Variants in MALRD1 observed in about 807,000 individuals in gnomAD.
MALRD1 encodes the protein MAM and LDL receptor class A domain containing 1.
In MALRD1, 247 loss-of-function variants were observed where a neutral mutation model predicts 242.1. The observed-to-expected ratio is 1.02, with a 90% CI of 0.92 to 1.13. MALRD1 has a LOEUF of 1.13. Ranked by LOEUF, MALRD1 falls within the 50% of genes most tolerant of loss-of-function variation. MALRD1 has a pLI of 0.00. For missense variants in MALRD1, 2,989 were observed against 2,533.1 expected (o/e 1.18, Z -3.86); for synonymous variants, 995 against 866.6 (o/e 1.15, Z -2.60).
chr10:19,695,632 G>C (rs1833346401), intron 38 of MALRD1, among the ~76,000 whole-genome samples: 1 of 149,908 alleles, frequency 6.7e-6, no homozygotes, highest in Non-Finnish European at 1.5e-5. Flanking sequence ...TGATTCTTCT[G>C]CCTCAGCCTC....
At chr10:19,474,062 T>C (rs1388292623) in intron 29 of MALRD1, among the ~76,000 whole-genome samples, 1 of 152,164 alleles carries the variant, frequency 6.6e-6, no homozygotes, top group African/African-American at 2.4e-5. Flanking sequence ...TGGTTTTCAT[T>C]TGTATTTCCC....
At chr10:19,217,848 T>C (rs1207833675) in intron 18 of MALRD1, among the ~76,000 whole-genome samples, 1 of 152,152 alleles carries the variant, frequency 6.6e-6, no homozygotes, top group Non-Finnish European at 1.5e-5. Flanking sequence ...TATACTTACT[T>C]GTTTACTTGC....
intron 5 of MALRD1, among the ~76,000 whole-genome samples, chr10:19,111,719 A>G (rs527357161): frequency 3.8e-4 from 58 of 152,370 alleles, no homozygotes; most frequent in African/African-American, 1.3e-3. Context: ...CAAAGGAAGT[A>G]GTTTTCTTAT....
intron 18 of MALRD1, among the ~76,000 whole-genome samples, chr10:19,248,655 C>A (rs1353321544): frequency 1.3e-5 from 2 of 151,684 alleles, no homozygotes; most frequent in African/African-American, 4.8e-5. Flanking sequence ...ACTTTTTAAA[C>A]CAGTCAGGAA....
At chr10:19,599,434 C>T (rs764028617) in intron 34 of MALRD1, among the ~76,000 whole-genome samples, 7 of 151,378 alleles carry the variant, frequency 4.6e-5, no homozygotes, top group Non-Finnish European at 7.4e-5. Flanking sequence ...ATCCCCTTTT[C>T]GTAAAAATAT....
At chr10:19,691,346 AC>A (rs1306128663) in intron 36 of MALRD1, among the ~76,000 whole-genome samples, 1 of 152,094 alleles carries the variant, frequency 6.6e-6, no homozygotes, top group Non-Finnish European at 1.5e-5. Flanking sequence ...TGAAGGAATT[AC>A]TTTTGAGCAT....
chr10:19,602,248 A>C (rs1838389190), intron 34 of MALRD1, among the ~76,000 whole-genome samples: 1 of 137,416 alleles, frequency 7.3e-6, no homozygotes, highest in East Asian at 2.2e-4. Context: ...CACAACGTGC[A>C]GGTTTGTTAC....
chr10:19,493,923 C>T (rs1267306824), intron 30 of MALRD1, among the ~76,000 whole-genome samples: 1 of 152,138 alleles, frequency 6.6e-6, no homozygotes, highest in East Asian at 1.9e-4. Flanking sequence ...ATTTTCCCCA[C>T]AAGATGTACT....
intron 4 of MALRD1, among the ~76,000 whole-genome samples, chr10:19,096,619 C>T (rs2131316822): frequency 6.6e-6 from 1 of 152,262 alleles, no homozygotes; most frequent in Admixed American, 6.5e-5. Flanking sequence ...AACAGCCTGC[C>T]ACCATCTAAT....
At chr10:19,471,844 A>G (rs550944982) in intron 29 of MALRD1, among the ~76,000 whole-genome samples, 7 of 151,898 alleles carry the variant, frequency 4.6e-5, no homozygotes, top group Non-Finnish European at 7.4e-5. Context: ...AGAGTTTTCT[A>G]TATATAAGAT....
intron 1 of MALRD1, 92 bp downstream of exon 1, chr10:19,049,229 G>A: frequency 2.1e-6 from 2 of 968,364 alleles, no homozygotes; most frequent in Non-Finnish European, 2.7e-6. Context: ...CTAGATACTT[G>A]GCTCTGTATG....
intron 18 of MALRD1, among the ~76,000 whole-genome samples, chr10:19,239,425 A>G (rs998306901): frequency 9.9e-5 from 15 of 152,124 alleles, no homozygotes; most frequent in Non-Finnish European, 4.4e-5. Context: ...TAGTTTGCAA[A>G]TATTGTATCC....
At chr10:19,422,131 T>C (rs1589050614) in intron 28 of MALRD1, among the ~76,000 whole-genome samples, 2 of 152,360 alleles carry the variant, frequency 1.3e-5, no homozygotes, top group South Asian at 4.1e-4. Context: ...TAGAAAGTCT[T>C]ACTGCTTTTA....
intron 38 of MALRD1, among the ~76,000 whole-genome samples, chr10:19,715,096 C>T (rs1834321853): frequency 6.6e-6 from 1 of 152,024 alleles, no homozygotes; most frequent in Admixed American, 6.6e-5. Flanking sequence ...AAATTTATTG[C>T]TCCTTATTTC....
chr10:19,354,683 G>T (rs1027972651), intron 26 of MALRD1, among the ~76,000 whole-genome samples: 1 of 151,918 alleles, frequency 6.6e-6, no homozygotes, highest in Non-Finnish European at 1.5e-5. Flanking sequence ...CATCCATGTT[G>T]CAAATAGGAT....
At chr10:19,719,801 T>C (rs1308527585) in intron 38 of MALRD1, among the ~76,000 whole-genome samples, 1 of 152,118 alleles carries the variant, frequency 6.6e-6, no homozygotes, top group Non-Finnish European at 1.5e-5. Context: ...CTTTTTCAAA[T>C]TGGCTTCTTT....
intron 32 of MALRD1, among the ~76,000 whole-genome samples, chr10:19,555,569 C>T (rs548286244): frequency 6.6e-6 from 1 of 152,188 alleles, no homozygotes; most frequent in East Asian, 1.9e-4. Context: ...GCAATGTAAC[C>T]TTATGCTAGA....
chr10:19,178,315 A>G (rs550832820), intron 14 of MALRD1, among the ~76,000 whole-genome samples: 200 of 152,326 alleles, frequency 1.3e-3, no homozygotes, highest in African/African-American at 4.7e-3. Flanking sequence ...TATGTCCAGT[A>G]GACAATTATA....
intron 32 of MALRD1, among the ~76,000 whole-genome samples, chr10:19,533,511 G>A (rs1481955107): frequency 6.6e-6 from 1 of 152,110 alleles, no homozygotes; most frequent in Non-Finnish European, 1.5e-5. Flanking sequence ...AAAGGAAATG[G>A]GTTTAATTGG....
Sources: gnomAD v4.1 joint callset for allele counts (sites outside exome capture counted in the v4.1 genomes callset) on GRCh38, gnomAD v4.1.1 for gene constraint, MANE v1.5 for transcripts, NCBI Gene and HGNC (gene_info 2026-07-23, HGNC 2026-07-21) for gene names.